AMPH: variants seen among roughly 807,000 people sequenced by gnomAD.
AMPH encodes amphiphysin (Stiff-Mann syndrome with breast cancer 128kD autoantigen).
AMPH carries 49 observed loss-of-function variants against 99.1 expected under a neutral mutation model. The ratio of observed to expected loss-of-function variants is 0.49; its 90% CI spans 0.39 to 0.63. The LOEUF is 0.63. Among genes scored for constraint, AMPH ranks in the 20% least tolerant of loss-of-function variants. The pLI is 0.00. For missense variants in AMPH, 759 were observed against 863.4 expected (o/e 0.88, Z 1.52); for synonymous variants, 314 against 317.3 (o/e 0.99, Z 0.11).
rs1161853646 is a variant in AMPH, at chr7:38,631,367, G to T, written c.-16C>A. The T allele has an allele frequency of 6.5e-7, 1 of 1,538,504 alleles. No homozygotes were observed. The highest frequency in any genetic ancestry group is 1.4e-5 in the African/African-American group (1 of 70,534). ...TGTCGGCCATGGCTGCGGGTCCGGGGAGCTGCGAAGAGCAGAGCGCGCAGC... is the reference window on the plus strand; with the variant it reads ...TGTCGGCCATGGCTGCGGGTCCGGGTAGCTGCGAAGAGCAGAGCGCGCAGC... On this transcript the variant is annotated 5_prime_UTR_variant, in exon 1 of 21. Transcript: ENST00000356264.
chr7:38,594,842 G>C (rs375485665), intron 1 of AMPH, among the ~76,000 whole-genome samples: 2 of 152,038 alleles, frequency 1.3e-5, no homozygotes, highest in Non-Finnish European at 2.9e-5. Flanking sequence ...AAATTTTTAA[G>C]CAATATTTTT....
intron 7 of AMPH, among the ~76,000 whole-genome samples, chr7:38,472,068 G>T (rs1007136530): frequency 1.3e-5 from 2 of 152,018 alleles, no homozygotes; most frequent in Non-Finnish European, 2.9e-5. Flanking sequence ...AAGATAGTAA[G>T]GAAATAGAAA....
chr7:38,521,082 C>G (rs1303747361), intron 2 of AMPH, among the ~76,000 whole-genome samples: 3 of 152,054 alleles, frequency 2.0e-5, no homozygotes, highest in Non-Finnish European at 4.4e-5. Flanking sequence ...AAGCCCAAAG[C>G]AAACTCTAGG....
intron 17 of AMPH, among the ~76,000 whole-genome samples, chr7:38,411,224 G>A (rs531922526): frequency 3.9e-5 from 6 of 152,310 alleles, no homozygotes; most frequent in Admixed American, 3.3e-4. Context: ...TGCTGTGAGA[G>A]AATGCATGAC....
intron 13 of AMPH, among the ~76,000 whole-genome samples, chr7:38,431,091 T>C (rs1309163972): frequency 1.3e-5 from 2 of 152,196 alleles, no homozygotes; most frequent in Non-Finnish European, 2.9e-5. Context: ...GCTGTAGAGG[T>C]GTGTGACCAA....
chr7:38,411,433 C>CTT (rs911022299), intron 17 of AMPH, among the ~76,000 whole-genome samples: 3 of 152,184 alleles, frequency 2.0e-5, no homozygotes, highest in Middle Eastern at 3.2e-3. Flanking sequence ...AAATCAAGCA[C>CTT]TTTTTCCTGA....
intron 2 of AMPH, among the ~76,000 whole-genome samples, chr7:38,525,297 G>T (rs1790136720): frequency 2.0e-5 from 3 of 147,022 alleles, no homozygotes; most frequent in Admixed American, 6.9e-5. Context: ...GAGAGAGAGA[G>T]AGAGAGAGAG....
chr7:38,538,441 G>A (rs1430682445), intron 1 of AMPH, among the ~76,000 whole-genome samples: 1 of 152,138 alleles, frequency 6.6e-6, no homozygotes, highest in African/African-American at 2.4e-5. Context: ...GTGTGGAACT[G>A]GAGTGGACAA....
At chr7:38,550,144 G>A (rs1791130003) in intron 1 of AMPH, among the ~76,000 whole-genome samples, 1 of 152,194 alleles carries the variant, frequency 6.6e-6, no homozygotes, top group African/African-American at 2.4e-5. Flanking sequence ...CAATAAGTAT[G>A]CTGATTCTTT....
chr7:38,610,234 CAAA>C lies in AMPH; in HGVS notation c.69+21046_69+21048del, dbSNP rs544036143. 7.0e-3 allele frequency among the ~76,000 whole-genome samples: 43 copies of C among 6,126 alleles called. 6 individuals carry two copies. Among genetic ancestry groups the C allele is most frequent in the Non-Finnish European group, 7.5e-3 (28 of 3,744 alleles). 4.0% of individuals were successfully genotyped at this position (6,126 alleles called of 152,430 possible). On this transcript the variant is annotated intron_variant, in intron 1 of 20. Transcript: ENST00000356264. ...CCGGGCAACAAAAGCTAAGCTCTCT[CAAA>C]AAAAAAAAAAAAAAAAAAAAAAAAA...
At chr7:38,551,546 C>G (rs1237651486) in intron 1 of AMPH, among the ~76,000 whole-genome samples, 2 of 152,026 alleles carry the variant, frequency 1.3e-5, no homozygotes, top group Non-Finnish European at 2.9e-5. Flanking sequence ...AATTATGCTG[C>G]GAAAAGTGGC....
intron 1 of AMPH, among the ~76,000 whole-genome samples, chr7:38,620,386 C>A (rs373857255): frequency 1.4e-5 from 2 of 138,540 alleles, no homozygotes; most frequent in African/African-American, 5.6e-5. Flanking sequence ...GTTAAAGAAG[C>A]AGGATGTCTT....
intron 1 of AMPH, among the ~76,000 whole-genome samples, chr7:38,564,777 G>GA (rs1791671690): frequency 6.6e-6 from 1 of 152,058 alleles, no homozygotes. Context: ...TCGAAGTGGT[G>GA]AAAAAACCTT....
chr7:38,548,964 C>A (rs909976728), intron 1 of AMPH, among the ~76,000 whole-genome samples: 4 of 152,224 alleles, frequency 2.6e-5, no homozygotes, highest in Non-Finnish European at 2.9e-5. Flanking sequence ...GTTGAACATG[C>A]CTGGTTCTCA....
intron 17 of AMPH, among the ~76,000 whole-genome samples, chr7:38,400,100 A>T (rs1784800594): frequency 6.6e-6 from 1 of 152,106 alleles, no homozygotes; most frequent in South Asian, 2.1e-4. Flanking sequence ...TTTGAAATGA[A>T]GTCTCACTCT....
intron 11 of AMPH, among the ~76,000 whole-genome samples, chr7:38,440,081 G>A (rs1786445828): frequency 6.6e-6 from 1 of 152,180 alleles, no homozygotes; most frequent in Admixed American, 6.5e-5. Context: ...GCCTTGCATA[G>A]CTGCTAGTCC....
chr7:38,504,599 T>C (rs74831321), intron 2 of AMPH, among the ~76,000 whole-genome samples: 2,759 of 152,280 alleles, frequency 0.018, 109 homozygotes, highest in East Asian at 0.18. Flanking sequence ...TGAAACACCC[T>C]ATAGATACCC....
intron 13 of AMPH, among the ~76,000 whole-genome samples, chr7:38,430,670 A>G (rs1257835670): frequency 6.6e-6 from 1 of 152,268 alleles, no homozygotes; most frequent in African/African-American, 2.4e-5. Flanking sequence ...AAATTAACAC[A>G]GAGTTGAAGT....
intron 11 of AMPH, among the ~76,000 whole-genome samples, chr7:38,441,801 T>G (rs1045528639): frequency 4.2e-4 from 21 of 49,472 alleles, no homozygotes; most frequent in Admixed American, 5.9e-4. Flanking sequence ...ATATATATCA[T>G]ATATATATCA....
Sources: gnomAD v4.1 joint callset for allele counts (sites outside exome capture counted in the v4.1 genomes callset) on GRCh38, gnomAD v4.1.1 for gene constraint, MANE v1.5 for transcripts, NCBI Gene and HGNC (gene_info 2026-07-23, HGNC 2026-07-21) for gene names.